Variants in ALK observed in about 807,000 individuals in gnomAD.
ALK encodes ALK tyrosine kinase receptor.
Under a neutral mutation model 163.1 loss-of-function variants are expected in ALK, and 74 were observed. The observed-to-expected ratio is 0.45, with a 90% CI of 0.38 to 0.55. The LOEUF is 0.55. Among genes scored for constraint, ALK ranks in the 20% least tolerant of loss-of-function variants. The pLI, the probability that ALK is intolerant of heterozygous loss-of-function variation, is 0.00. For missense variants in ALK, 2,063 were observed against 2,105.3 expected, an observed-to-expected ratio of 0.98 and a Z score of 0.39; for synonymous variants, 960 against 843.2, an observed-to-expected ratio of 1.14 and a Z score of -2.40.
chr2:29,842,259 G>T, intron 1 of ALK, among the ~76,000 whole-genome samples: 1 of 152,276 alleles, frequency 6.6e-6, no homozygotes, highest in South Asian at 2.1e-4. Flanking sequence ...GAGAGGTTCT[G>T]GCTAGATTCT....
chr2:29,363,389 G>A (rs140869632), intron 5 of ALK, among the ~76,000 whole-genome samples: 140 of 152,292 alleles, frequency 9.2e-4, no homozygotes, highest in African/African-American at 3.2e-3. Flanking sequence ...ATGGAGTGGC[G>A]CCTTTCTGAG....
At chr2:29,411,221 CT>C (rs1467396174) in intron 4 of ALK, among the ~76,000 whole-genome samples, 2 of 152,192 alleles carry the variant, frequency 1.3e-5, no homozygotes, top group Admixed American at 1.3e-4. Context: ...ACTGGAAGGT[CT>C]TCAGGGGCAA....
chr2:29,769,671 C>T (rs1680963095), intron 1 of ALK, among the ~76,000 whole-genome samples: 1 of 152,166 alleles, frequency 6.6e-6, no homozygotes, highest in African/African-American at 2.4e-5. Context: ...GGTGTTCCCT[C>T]TTTAGAGGAG....
intron 3 of ALK, among the ~76,000 whole-genome samples, chr2:29,607,665 G>C (rs915924827): frequency 1.3e-5 from 2 of 152,048 alleles, no homozygotes; most frequent in African/African-American, 4.8e-5. Flanking sequence ...CTCTTCTCTT[G>C]GCTTCTGGGA....
chr2:29,920,292 A>G lies in ALK; in HGVS notation c.368T>C (p.Leu123Pro). 1 of 1,572,302 alleles carries G rather than the reference A, an allele frequency of 6.4e-7. No homozygotes were observed. The highest frequency in any genetic ancestry group is 8.6e-7 in the Non-Finnish European group (1 of 1,159,926). Residue 123 changes from leucine to proline, a missense_variant, in exon 1 of 29, where the codon CTG becomes CCG. By Grantham distance (98) the Leu-to-Pro change is moderately conservative. This residue lies in a region of ALK where 987 missense variants were observed against 939.5 expected (regional missense o/e 1.05). Coordinates refer to ENST00000389048, the MANE Select transcript of ALK (RefSeq NM_004304.5). ...GSPAPAEART[L>P]SRVLKGGSVR... is the part of the protein sequence containing the mutation. ...GGAGCCGCCCTTCAGCACCCTGGAC[A>G]GCGTCCGGGCCTCTGCCGGGGCTGG...
chr2:29,549,162 G>GCACA (rs879543626), intron 3 of ALK, among the ~76,000 whole-genome samples: 1 of 103,704 alleles, frequency 9.6e-6, no homozygotes. Flanking sequence ...ACACACACAC[G>GCACA]CACACACACA....
intron 1 of ALK, among the ~76,000 whole-genome samples, chr2:29,865,952 T>A (rs189224392): frequency 4.4e-4 from 67 of 152,176 alleles, no homozygotes; most frequent in Non-Finnish European, 7.6e-4. Flanking sequence ...GGAGCAAGGG[T>A]CTCTGGGGAT....
intron 1 of ALK, among the ~76,000 whole-genome samples, chr2:29,848,768 G>A (rs922378890): frequency 2.6e-5 from 4 of 152,086 alleles, no homozygotes; most frequent in African/African-American, 9.7e-5. Context: ...CATATCCTGC[G>A]GGCTGTTGGC....
chr2:29,920,830 G>A lies in ALK; in HGVS notation c.-171C>T. On this transcript the variant is annotated 5_prime_UTR_variant, in exon 1 of 29. Transcript: ENST00000389048. ...TCTTGCTTTCCCCCAACTGCACGGAGGCGAGCAGGAGTCTAAATGAAACAG... is the reference window on the plus strand; with the variant it reads ...TCTTGCTTTCCCCCAACTGCACGGAAGCGAGCAGGAGTCTAAATGAAACAG... The A allele has an allele frequency of 1.6e-6, 1 of 634,344 alleles. No homozygotes were observed. Among genetic ancestry groups the A allele is most frequent in the Non-Finnish European group, 2.7e-6 (1 of 367,466 alleles). 39.3% of individuals were successfully genotyped at this position (634,344 alleles called of 1,614,324 possible).
intron 1 of ALK, among the ~76,000 whole-genome samples, chr2:29,875,030 AAAAG>A (rs1256644765): frequency 2.6e-5 from 4 of 152,244 alleles, no homozygotes; most frequent in Non-Finnish European, 4.4e-5. Context: ...GTACACACTC[AAAAG>A]AATTGAAAGC....
chr2:29,844,365 G>A (rs1407931160), intron 1 of ALK, among the ~76,000 whole-genome samples: 2 of 152,158 alleles, frequency 1.3e-5, no homozygotes, highest in Non-Finnish European at 2.9e-5. Flanking sequence ...TGTACCTCGT[G>A]TGCCATTTTA....
At chr2:29,843,511 A>G (rs1665754438) in intron 1 of ALK, among the ~76,000 whole-genome samples, 2 of 152,170 alleles carry the variant, frequency 1.3e-5, no homozygotes, top group South Asian at 4.1e-4. Context: ...ATGTGATCAT[A>G]TGGATGGCTG....
rs1479351978 is a variant in ALK, at chr2:29,705,271, A to C, written c.788-10257T>G. On this transcript the variant is annotated intron_variant, in intron 2 of 28. Coordinates refer to ENST00000389048, the MANE Select transcript of ALK (RefSeq NM_004304.5). ...TATATATATATATATATATATATAT[A>C]TATATATATAAATATATATCTGCTG... is the stretch of plus-strand genomic sequence containing the variant. 9.5e-3 allele frequency among the ~76,000 whole-genome samples: 526 copies of C among 55,538 alleles called. 22 individuals carry two copies. The highest frequency in any genetic ancestry group is 0.079 in the African/African-American group (510 of 6,424). The allele number at this position is 55,538 out of a possible 152,430, so 36.4% of individuals were successfully genotyped here.
At chr2:29,560,215 G>A (rs1179681344) in intron 3 of ALK, among the ~76,000 whole-genome samples, 3 of 152,100 alleles carry the variant, frequency 2.0e-5, no homozygotes, top group Non-Finnish European at 4.4e-5. Context: ...TTCAGTAACT[G>A]GTGAATGGAT....
intron 23 of ALK, among the ~76,000 whole-genome samples, chr2:29,215,555 C>T (rs1420125453): frequency 6.6e-6 from 1 of 152,190 alleles, no homozygotes; most frequent in Admixed American, 6.5e-5. Flanking sequence ...GGCTACCTGA[C>T]TCACCCCAGG....
chr2:29,861,168 C>T (rs1332683977), intron 1 of ALK, among the ~76,000 whole-genome samples: 1 of 151,978 alleles, frequency 6.6e-6, no homozygotes, highest in Non-Finnish European at 1.5e-5. Flanking sequence ...CAAGACCTTG[C>T]CTCAAAAAGA....
chr2:29,682,550 G>A (rs1678107782), intron 3 of ALK, among the ~76,000 whole-genome samples: 1 of 152,164 alleles, frequency 6.6e-6, no homozygotes, highest in Non-Finnish European at 1.5e-5. Flanking sequence ...GGGTATCAAT[G>A]TGTTGTCTTA....
chr2:29,905,985 G>T (rs1402548755), intron 1 of ALK, among the ~76,000 whole-genome samples: 2 of 152,098 alleles, frequency 1.3e-5, no homozygotes, highest in Admixed American at 6.6e-5. Flanking sequence ...CTTCTCTATT[G>T]TACCCCTGCC....
At chr2:29,319,731 GA>G (rs1666954724) in intron 7 of ALK, among the ~76,000 whole-genome samples, 1 of 152,246 alleles carries the variant, frequency 6.6e-6, no homozygotes. Context: ...TGCTGTAGTG[GA>G]AATTATCAAA....
Sources: allele counts gnomAD v4.1 joint callset (sites outside exome capture counted in the v4.1 genomes callset), GRCh38; gene constraint gnomAD v4.1.1; regional missense constraint gnomAD v4.1.1; transcripts MANE v1.5; gene names NCBI Gene and HGNC (gene_info 2026-07-23, HGNC 2026-07-21).